AGBL4: variants seen among roughly 807,000 people sequenced by gnomAD.
AGBL4 encodes cytosolic carboxypeptidase 6.
AGBL4 carries 58 observed loss-of-function variants against 66.4 expected under a neutral mutation model. The ratio of observed to expected loss-of-function variants is 0.87; its 90% CI spans 0.71 to 1.09. The LOEUF (loss-of-function observed/expected upper bound fraction) is 1.09, where lower values mean the gene tolerates loss of function less well. Ranked by LOEUF, AGBL4 falls within the 50% of genes least tolerant of loss-of-function variation. AGBL4 has a pLI of 0.00. For synonymous variants in AGBL4, 234 were observed against 222.9 expected (o/e 1.05, Z -0.44); for missense variants, 579 against 631.0 (o/e 0.92, Z 0.88).
intron 3 of AGBL4, among the ~76,000 whole-genome samples, chr1:49,369,876 G>A (rs575136671): frequency 4.0e-5 from 6 of 151,714 alleles, no homozygotes; most frequent in African/African-American, 9.7e-5. Flanking sequence ...TAAAGCTCAC[G>A]AAAATGAAGA....
At chr1:49,799,656 G>C (rs1256893416) in intron 2 of AGBL4, among the ~76,000 whole-genome samples, 1 of 152,084 alleles carries the variant, frequency 6.6e-6, no homozygotes, top group Non-Finnish European at 1.5e-5. Context: ...ATTAGGAAGT[G>C]AAAGGGCATC....
chr1:49,910,010 A>T (rs1478766304), intron 1 of AGBL4, among the ~76,000 whole-genome samples: 1 of 152,230 alleles, frequency 6.6e-6, no homozygotes, highest in Non-Finnish European at 1.5e-5. Flanking sequence ...CAAGTATGGA[A>T]TTCAGTAGAG....
At chr1:49,221,689 T>C (rs1649508163) in intron 4 of AGBL4, among the ~76,000 whole-genome samples, 1 of 152,162 alleles carries the variant, frequency 6.6e-6, no homozygotes, top group South Asian at 2.1e-4. Context: ...TTTTTTCACA[T>C]TTTATTTTTT....
chr1:49,167,506 C>G (rs1281978214), intron 4 of AGBL4, among the ~76,000 whole-genome samples: 1 of 152,194 alleles, frequency 6.6e-6, no homozygotes, highest in Non-Finnish European at 1.5e-5. Context: ...GGACCAGGCA[C>G]CTGCCTAGGT....
chr1:48,841,256 G>T, intron 6 of AGBL4, among the ~76,000 whole-genome samples: 1 of 152,034 alleles, frequency 6.6e-6, no homozygotes, highest in Admixed American at 6.6e-5. Flanking sequence ...TCAATTTAAC[G>T]GTGTGTTAAT....
At chr1:49,551,929 G>C (rs1652990367) in intron 3 of AGBL4, among the ~76,000 whole-genome samples, 1 of 152,190 alleles carries the variant, frequency 6.6e-6, no homozygotes, top group Non-Finnish European at 1.5e-5. Context: ...GGCACAGCTA[G>C]GTGTGTCTGA....
chr1:49,483,517 A>G (rs1646999418), intron 3 of AGBL4, among the ~76,000 whole-genome samples: 1 of 152,082 alleles, frequency 6.6e-6, no homozygotes. Flanking sequence ...AGAATAGCCA[A>G]TAAGTGGTGC....
chr1:48,580,015 C>G (rs2148330286), intron 11 of AGBL4, among the ~76,000 whole-genome samples: 1 of 151,838 alleles, frequency 6.6e-6, no homozygotes. Flanking sequence ...ACTGAGATCT[C>G]AAGACTATAG....
chr1:49,199,409 T>C (rs924192304), intron 4 of AGBL4, among the ~76,000 whole-genome samples: 5 of 152,154 alleles, frequency 3.3e-5, no homozygotes, highest in Admixed American at 2.0e-4. Flanking sequence ...CTCCAAATGA[T>C]AGAAAGTCTC....
At chr1:48,523,726 T>TGAA in the AGBL4 span, among the ~76,000 whole-genome samples, 119,953 of 151,848 alleles carry the variant, frequency 0.79, 47,628 homozygotes, top group East Asian at 1. Context: ...GCCAGAGCAA[T>TGAA]GTACAGTCAT....
chr1:49,053,049 G>T (rs1344740983), intron 4 of AGBL4, among the ~76,000 whole-genome samples: 1 of 152,120 alleles, frequency 6.6e-6, no homozygotes, highest in Non-Finnish European at 1.5e-5. Flanking sequence ...ATTGGTACCT[G>T]ACACATACGG....
At chr1:49,036,197 A>T (rs1043199352) in intron 5 of AGBL4, among the ~76,000 whole-genome samples, 2 of 152,104 alleles carry the variant, frequency 1.3e-5, no homozygotes, top group African/African-American at 4.8e-5. Context: ...TCAGATAAAT[A>T]AAAATATATT....
intron 3 of AGBL4, among the ~76,000 whole-genome samples, chr1:49,571,229 C>T (rs925142278): frequency 1.3e-5 from 2 of 151,720 alleles, no homozygotes; most frequent in Admixed American, 6.6e-5. Flanking sequence ...CCAGAAGATG[C>T]CTTTTTCATT....
At chr1:48,749,594 C>T (rs1231289071) in intron 6 of AGBL4, among the ~76,000 whole-genome samples, 1 of 152,184 alleles carries the variant, frequency 6.6e-6, no homozygotes, top group Non-Finnish European at 1.5e-5. Context: ...TTGCCTAATG[C>T]TCACTCTGTG....
chr1:49,990,573 T>C (rs781013414), intron 1 of AGBL4, among the ~76,000 whole-genome samples: 6 of 152,206 alleles, frequency 3.9e-5, no homozygotes, highest in Non-Finnish European at 8.8e-5. Context: ...AGTATCTTTA[T>C]AGCAGTGTGA....
chr1:50,005,878 G>A (rs967778552), intron 1 of AGBL4, among the ~76,000 whole-genome samples: 3 of 152,346 alleles, frequency 2.0e-5, no homozygotes, highest in Non-Finnish European at 2.9e-5. Flanking sequence ...GAATGCATCA[G>A]AGTCTCTTAA....
chr1:48,864,278 G>A (rs72891842), intron 6 of AGBL4, among the ~76,000 whole-genome samples: 1,980 of 152,214 alleles, frequency 0.013, 41 homozygotes, highest in African/African-American at 0.043. Context: ...AAATTTATAA[G>A]TCTGACAATT....
intron 8 of AGBL4, among the ~76,000 whole-genome samples, chr1:48,644,566 G>A (rs1394610121): frequency 2.6e-5 from 4 of 152,168 alleles, no homozygotes; most frequent in South Asian, 2.1e-4. Flanking sequence ...AGAAGAGAGG[G>A]AAGAAACAGT....
At chr1:49,307,855 A>G (rs1319747695) in intron 3 of AGBL4, among the ~76,000 whole-genome samples, 4 of 152,152 alleles carry the variant, frequency 2.6e-5, no homozygotes, top group African/African-American at 9.7e-5. Flanking sequence ...AACTAAAATT[A>G]CTTTATGTTT....
Sources: allele counts gnomAD v4.1 joint callset (sites outside exome capture counted in the v4.1 genomes callset), GRCh38; gene constraint gnomAD v4.1.1; transcripts MANE v1.5; gene names NCBI Gene and HGNC (gene_info 2026-07-23, HGNC 2026-07-21).